ULK4: variants seen among roughly 807,000 people sequenced by gnomAD.
ULK4 encodes inactive serine/threonine-protein kinase ULK4.
In ULK4, 133 loss-of-function variants were observed where a neutral mutation model predicts 160.6. The observed-to-expected ratio is 0.83, with a 90% confidence interval of 0.72 to 0.96. ULK4 has a LOEUF of 0.96. ULK4 is among the 40% of genes least tolerant of loss of function. The probability of loss-of-function intolerance (pLI) is 0.00; values close to 1 mark genes in which losing one functional copy is unlikely to be tolerated. For synonymous variants in ULK4, 534 were observed against 539.8 expected (o/e 0.99, Z 0.15); for missense variants, 1,580 against 1,499.5 (o/e 1.05, Z -0.89).
chr3:41,875,574 T>C (rs1156805811), intron 17 of ULK4, among the ~76,000 whole-genome samples: 2 of 152,290 alleles, frequency 1.3e-5, no homozygotes, highest in African/African-American at 4.8e-5. Context: ...TGAGCTATGA[T>C]TGTGCCACTG....
At chr3:41,680,441 A>G (rs58155850) in intron 29 of ULK4, among the ~76,000 whole-genome samples, 19,970 of 152,154 alleles carry the variant, frequency 0.13, 3,081 homozygotes, top group African/African-American at 0.37. Flanking sequence ...CCAGAGAGCC[A>G]AAGGGTCGAC....
At chr3:41,786,750 G>A (rs932539696) in intron 21 of ULK4, among the ~76,000 whole-genome samples, 2 of 151,932 alleles carry the variant, frequency 1.3e-5, no homozygotes, top group African/African-American at 4.8e-5. Flanking sequence ...GAAGACAAGA[G>A]AGAGAAGATG....
chr3:41,492,308 C>G (rs2084804965), intron 32 of ULK4, among the ~76,000 whole-genome samples: 1 of 152,176 alleles, frequency 6.6e-6, no homozygotes, highest in Non-Finnish European at 1.5e-5. Context: ...AATCGCCACA[C>G]TGACTTCCAC....
intron 31 of ULK4, among the ~76,000 whole-genome samples, chr3:41,614,923 T>G (rs2032884951): frequency 6.6e-6 from 1 of 152,164 alleles, no homozygotes; most frequent in African/African-American, 2.4e-5. Context: ...TTGTGCCTTG[T>G]GCTGTTACTG....
intron 35 of ULK4, chr3:41,278,228 GC>G (rs1276477371): frequency 6.6e-6 from 1 of 152,488 alleles, no homozygotes; most frequent in Non-Finnish European, 1.5e-5. Context: ...TAAGGCTGCA[GC>G]CCGGTTGGGG....
chr3:41,761,748 A>G (rs1336971616), intron 21 of ULK4, among the ~76,000 whole-genome samples: 3 of 152,144 alleles, frequency 2.0e-5, no homozygotes, highest in African/African-American at 7.2e-5. Context: ...ATACTCCACA[A>G]AGTAAAAATA....
chr3:41,389,726 T>C (rs1277291560), intron 35 of ULK4, among the ~76,000 whole-genome samples: 1 of 152,222 alleles, frequency 6.6e-6, no homozygotes. Context: ...TGAAGCCCAC[T>C]TGATCATGGT....
intron 19 of ULK4, among the ~76,000 whole-genome samples, chr3:41,816,402 G>A (rs552604668): frequency 9.2e-5 from 14 of 152,062 alleles, no homozygotes; most frequent in South Asian, 8.3e-4. Flanking sequence ...CGAAGCAATA[G>A]GAAAAAAACA....
intron 35 of ULK4, among the ~76,000 whole-genome samples, chr3:41,303,374 T>C (rs1320125744): frequency 1.3e-5 from 2 of 152,204 alleles, no homozygotes; most frequent in Admixed American, 1.3e-4. Context: ...AGAGTATTAA[T>C]TCCACTTCCC....
intron 35 of ULK4, among the ~76,000 whole-genome samples, chr3:41,286,232 A>G (rs1291917850): frequency 2.0e-5 from 3 of 152,100 alleles, no homozygotes; most frequent in African/African-American, 7.2e-5. Context: ...TTCATACATT[A>G]CCTTCTTGAA....
chr3:41,598,351 A>C (rs1230306590), intron 31 of ULK4, among the ~76,000 whole-genome samples: 1 of 152,240 alleles, frequency 6.6e-6, no homozygotes, highest in Admixed American at 6.5e-5. Context: ...TTGTTTGGTG[A>C]AATAAAATAA....
At chr3:41,774,476 T>C (rs1207936450) in intron 21 of ULK4, among the ~76,000 whole-genome samples, 8 of 149,938 alleles carry the variant, frequency 5.3e-5, no homozygotes, top group Admixed American at 5.3e-4. Context: ...GAAAAAATAC[T>C]CATCATCACT....
At chr3:41,642,382 TC>T (rs1056249378) in intron 30 of ULK4, among the ~76,000 whole-genome samples, 56 of 152,174 alleles carry the variant, frequency 3.7e-4, no homozygotes, top group African/African-American at 1.3e-3. Flanking sequence ...ATGTTCCCCT[TC>T]CTGCGTCCAT....
At chr3:41,273,738 C>T (rs976913411) in intron 35 of ULK4, among the ~76,000 whole-genome samples, 18 of 152,036 alleles carry the variant, frequency 1.2e-4, no homozygotes, top group Non-Finnish European at 1.9e-4. Context: ...TGGAGTGGAT[C>T]GCTCATGAAT....
chr3:41,258,643 T>G (rs2078883188), intron 35 of ULK4, among the ~76,000 whole-genome samples: 1 of 152,158 alleles, frequency 6.6e-6, no homozygotes, highest in Non-Finnish European at 1.5e-5. Flanking sequence ...AAACATCAAA[T>G]GGCAGGCATC....
intron 22 of ULK4, among the ~76,000 whole-genome samples, chr3:41,727,175 A>G (rs1186388300): frequency 6.6e-6 from 1 of 152,200 alleles, no homozygotes; most frequent in Non-Finnish European, 1.5e-5. Flanking sequence ...TACCTCTGTG[A>G]TTCTAAGGCC....
intron 32 of ULK4, among the ~76,000 whole-genome samples, chr3:41,546,893 C>T (rs1017589821): frequency 6.6e-6 from 1 of 151,972 alleles, no homozygotes; most frequent in Admixed American, 6.6e-5. Context: ...CTTCTGGCCT[C>T]TGCTGATTTT....
chr3:41,526,131 CTCT>C (rs1480902979), intron 32 of ULK4, among the ~76,000 whole-genome samples: 1 of 152,154 alleles, frequency 6.6e-6, no homozygotes, highest in Non-Finnish European at 1.5e-5. Context: ...TCTCATTGAA[CTCT>C]TTTTTTCTAG....
At chr3:41,479,355 C>G (rs905843531) in intron 32 of ULK4, among the ~76,000 whole-genome samples, 4 of 151,928 alleles carry the variant, frequency 2.6e-5, no homozygotes, top group African/African-American at 9.7e-5. Flanking sequence ...GAAGGAATTA[C>G]AAAAAAAGTA....
Sources: gnomAD v4.1 joint callset for allele counts (sites outside exome capture counted in the v4.1 genomes callset) on GRCh38, gnomAD v4.1.1 for gene constraint, MANE v1.5 for transcripts, NCBI Gene and HGNC (gene_info 2026-07-23, HGNC 2026-07-21) for gene names.